The following TCF20 variants were observed in gnomAD, a reference collection of about 807,000 sequenced individuals.
The protein encoded by TCF20 is transcription factor 20, also known as SPRE-binding protein.
TCF20 carries 3 observed loss-of-function variants against 148.6 expected under a neutral mutation model. The observed-to-expected ratio is 0.02, with a 90% confidence interval of 0.01 to 0.05. The LOEUF is 0.05. Among genes scored for constraint, TCF20 ranks in the 10% least tolerant of loss-of-function variants. The pLI is 1.00. For missense variants in TCF20, 2,350 were observed against 2,429.3 expected, an observed-to-expected ratio of 0.97 and a Z score of 0.69; for synonymous variants, 1,049 against 909.5, an observed-to-expected ratio of 1.15 and a Z score of -2.76.
intron 1 of TCF20, among the ~76,000 whole-genome samples, chr22:42,318,655 T>C (rs1927678359): frequency 6.6e-6 from 1 of 151,736 alleles, no homozygotes; most frequent in African/African-American, 2.4e-5. Context: ...GGACCACGAG[T>C]GAGGGATGAC....
intron 1 of TCF20, among the ~76,000 whole-genome samples, chr22:42,316,778 T>C (rs972410072): frequency 2.0e-5 from 3 of 152,126 alleles, no homozygotes; most frequent in African/African-American, 7.2e-5. Context: ...AACACATCAC[T>C]TCCCTGCTCA....
rs1277376493 is a variant in TCF20 at position 42,297,487 on chromosome 22, C to T, written c.-37+45992G>A. Among the ~76,000 whole-genome samples, 1 of 152,246 alleles carries T rather than the reference C, an allele frequency of 6.6e-6. No homozygotes were observed. Among genetic ancestry groups the T allele is most frequent in the Non-Finnish European group, 1.5e-5 (1 of 68,044 alleles). On this transcript the variant is annotated intron_variant, in intron 1 of 1. Transcript: ENST00000515426. The surrounding 1 kb of genome is among the most constrained non-coding windows in gnomAD (Gnocchi z 4.3). The stretch of plus-strand genomic sequence containing the variant: ...CCAACCTTCTCCCATCCCCCACTGC[C>T]TCCTGAGCACCCTCCAAGGGCACAG...
At chr22:42,231,567 G>A (rs975613447) in intron 1 of TCF20, among the ~76,000 whole-genome samples, 1 of 152,096 alleles carries the variant, frequency 6.6e-6, no homozygotes, top group Non-Finnish European at 1.5e-5. Context: ...ATGTATTTGT[G>A]GTTTAAGCTA....
intron 1 of TCF20, among the ~76,000 whole-genome samples, chr22:42,281,559 A>G (rs1926903278): frequency 6.6e-6 from 1 of 152,066 alleles, no homozygotes; most frequent in Non-Finnish European, 1.5e-5. Context: ...CTCTGATGGT[A>G]CACCCTCTCC....
chr22:42,279,200 G>C lies in TCF20; in HGVS notation c.-37+4627C>G, dbSNP rs956825435. Among the ~76,000 whole-genome samples the C allele has an allele frequency of 2.0e-5, 3 of 152,172 alleles. No homozygotes were observed. The highest frequency in any genetic ancestry group is 4.4e-5 in the Non-Finnish European group (3 of 68,020). On this transcript the variant is annotated intron_variant, in intron 1 of 5. Coordinates refer to the TCF20 transcript ENST00000359486. The surrounding 1 kb of genome is among the most constrained non-coding windows in gnomAD (Gnocchi z 4.3). ...TGCCTCTGTGCCTTCTTGGTAGTAG[G>C]TGGGTGTGAAAAAGAAAGGAAGGGC...
intron 1 of TCF20, among the ~76,000 whole-genome samples, chr22:42,261,009 T>C (rs139396572): frequency 7.2e-4 from 110 of 152,356 alleles, no homozygotes; most frequent in African/African-American, 2.6e-3. Context: ...ACATCTTCTC[T>C]TGGTCAATCC....
chr22:42,191,791 A>G (rs1937348308), intron 2 of TCF20, among the ~76,000 whole-genome samples: 1 of 152,224 alleles, frequency 6.6e-6, no homozygotes, highest in African/African-American at 2.4e-5. Context: ...GTCCAGGACT[A>G]GGTATAAGCC....
intron 5 of TCF20, among the ~76,000 whole-genome samples, chr22:42,165,565 G>A (rs960163874): frequency 1.3e-5 from 2 of 152,224 alleles, no homozygotes; most frequent in Non-Finnish European, 2.9e-5. Flanking sequence ...TTTCCCCTCC[G>A]CACTCCTGGC....
intron 5 of TCF20, among the ~76,000 whole-genome samples, chr22:42,167,030 G>A (rs573613124): frequency 2.0e-5 from 3 of 152,316 alleles, no homozygotes; most frequent in East Asian, 1.9e-4. Flanking sequence ...AGGCAGTGCT[G>A]CCCAGCAGGT....
At chr22:42,239,637 T>C (rs1168841985) in intron 1 of TCF20, among the ~76,000 whole-genome samples, 2 of 151,348 alleles carry the variant, frequency 1.3e-5, no homozygotes, top group Non-Finnish European at 2.9e-5. Flanking sequence ...AAAATAAAAA[T>C]ATTAGCCGGG....
chr22:42,206,697 C>G (rs1164323861), intron 2 of TCF20, among the ~76,000 whole-genome samples: 3 of 152,022 alleles, frequency 2.0e-5, no homozygotes, highest in Non-Finnish European at 4.4e-5. Context: ...AAGAAAAGAC[C>G]GTAATTGGGA....
intron 2 of TCF20, 139 bp from the exon 3 acceptor site, chr22:42,179,841 C>A (rs553419193): frequency 5.2e-5 from 33 of 639,632 alleles, no homozygotes; most frequent in Admixed American, 7.6e-5. Context: ...ATGAGCTGGT[C>A]AATTTCTAAA....
intron 1 of TCF20, among the ~76,000 whole-genome samples, chr22:42,298,485 G>A (rs957459945): frequency 6.6e-6 from 1 of 152,228 alleles, no homozygotes; most frequent in Non-Finnish European, 1.5e-5. Context: ...CTCCAGGGCC[G>A]AAGCCTCCTT....
intron 1 of TCF20, among the ~76,000 whole-genome samples, chr22:42,321,985 G>A (rs1927741516): frequency 6.6e-6 from 1 of 151,292 alleles, no homozygotes; most frequent in African/African-American, 2.4e-5. Flanking sequence ...AAAGTAGGGA[G>A]ACTAACACCT....
At chr22:42,234,140 GAGC>G (rs1388893663) in intron 1 of TCF20, among the ~76,000 whole-genome samples, 4 of 152,158 alleles carry the variant, frequency 2.6e-5, no homozygotes, top group Non-Finnish European at 4.4e-5. Context: ...CCTAATTTAC[GAGC>G]AGAAGTCGAG....
intron 1 of TCF20, among the ~76,000 whole-genome samples, chr22:42,264,928 T>C (rs1041247252): frequency 4.6e-5 from 7 of 152,218 alleles, no homozygotes; most frequent in Admixed American, 3.3e-4. Flanking sequence ...CTTCCAATCA[T>C]ACTGATATCA....
Position 42,228,514 on chromosome 22 carries a change from G to T in TCF20, c.-36-13173C>A, listed in dbSNP as rs530571826. Among the ~76,000 whole-genome samples, 15 of 152,278 alleles carry T rather than the reference G, an allele frequency of 9.9e-5. No individual in the cohort carries two copies. The South Asian group carries it at 1.7e-3, about 17-fold the overall frequency. ...GAGAGAGGTTGTGTAGCTGCCCAAGGCCTCAGATCTGAGCTTAGGCAGTGA... is the reference window on the plus strand; with the variant it reads ...GAGAGAGGTTGTGTAGCTGCCCAAGTCCTCAGATCTGAGCTTAGGCAGTGA... On this transcript the variant is annotated intron_variant, in intron 1 of 5. Transcript: ENST00000677622.
At chr22:42,311,111 G>C (rs928914548) in intron 1 of TCF20, among the ~76,000 whole-genome samples, 3 of 152,132 alleles carry the variant, frequency 2.0e-5, no homozygotes, top group Non-Finnish European at 2.9e-5. Context: ...CGGGGGACAG[G>C]GGGGTGGCCA....
intron 2 of TCF20, among the ~76,000 whole-genome samples, chr22:42,187,303 A>G (rs1017440028): frequency 2.0e-5 from 3 of 152,128 alleles, no homozygotes; most frequent in Non-Finnish European, 4.4e-5. Flanking sequence ...CTTTAATCTG[A>G]TCATCTTTCA....
Sources: gnomAD v4.1 joint callset for allele counts (sites outside exome capture counted in the v4.1 genomes callset) on GRCh38, gnomAD v4.1.1 for gene constraint, Gnocchi (gnomAD v3.1) non-coding constraint, MANE v1.5 for transcripts, NCBI Gene and HGNC (gene_info 2026-07-23, HGNC 2026-07-21) for gene names.